The following NTRK3 variants were observed in gnomAD, a reference collection of about 807,000 sequenced individuals.
NTRK3 encodes NT-3 growth factor receptor.
Under a neutral mutation model 91.7 loss-of-function variants are expected in NTRK3, and 24 were observed. That is an observed-to-expected ratio of 0.26 (90% CI 0.19 to 0.37). The LOEUF is 0.37. NTRK3 is among the 10% of genes least tolerant of loss of function. The pLI, the probability that NTRK3 is intolerant of heterozygous loss-of-function variation, is 1.00. For synonymous variants in NTRK3, 483 were observed against 404.0 expected (o/e 1.20, Z -2.34); for missense variants, 880 against 1,068.9 (o/e 0.82, Z 2.46).
At chr15:88,162,904 A>G (rs2151444980) in intron 5 of NTRK3, among the ~76,000 whole-genome samples, 1 of 152,216 alleles carries the variant, frequency 6.6e-6, no homozygotes, top group Non-Finnish European at 1.5e-5. Context: ...TCTGTACATG[A>G]GCAGTTGCTG....
At chr15:87,931,124 A>C (rs1596299663) in intron 16 of NTRK3, 1 of 450,654 alleles carries the variant, frequency 2.2e-6, no homozygotes, top group East Asian at 6.1e-5. Context: ...CTCACTCTTT[A>C]TTTCCCTCCT....
chr15:88,019,896 A>G (rs1449064259), intron 14 of NTRK3, among the ~76,000 whole-genome samples: 3 of 152,204 alleles, frequency 2.0e-5, no homozygotes, highest in Admixed American at 1.3e-4. Context: ...AAGGATCTCA[A>G]CTGATACAAT....
intron 14 of NTRK3, among the ~76,000 whole-genome samples, chr15:88,025,553 G>C (rs2077962435): frequency 6.6e-6 from 1 of 152,190 alleles, no homozygotes; most frequent in Non-Finnish European, 1.5e-5. Context: ...TGAAGACAGA[G>C]GGTTGGAGTG....
intron 3 of NTRK3, among the ~76,000 whole-genome samples, chr15:88,242,289 G>T (rs1359012957): frequency 6.6e-6 from 1 of 152,136 alleles, no homozygotes; most frequent in Non-Finnish European, 1.5e-5. Context: ...GCAACAGCAA[G>T]GCCAATGAAT....
intron 13 of NTRK3, among the ~76,000 whole-genome samples, chr15:88,045,502 G>A (rs1047331931): frequency 1.4e-4 from 21 of 152,228 alleles, no homozygotes; most frequent in South Asian, 1.2e-3. Context: ...CAAAATATAC[G>A]TTGCCCCAAG....
At chr15:88,010,538 T>C (rs2076804908) in intron 14 of NTRK3, among the ~76,000 whole-genome samples, 1 of 152,208 alleles carries the variant, frequency 6.6e-6, no homozygotes, top group South Asian at 2.1e-4. Flanking sequence ...AATGAAACTA[T>C]GCTTTTTTTT....
At chr15:87,949,060 C>A (rs1357562344) in intron 14 of NTRK3, among the ~76,000 whole-genome samples, 5 of 152,118 alleles carry the variant, frequency 3.3e-5, no homozygotes, top group African/African-American at 4.8e-5. Flanking sequence ...AGTAGGTACC[C>A]ACTAACTATA....
intron 14 of NTRK3, among the ~76,000 whole-genome samples, chr15:87,942,581 C>T (rs182825917): frequency 2.6e-5 from 4 of 152,238 alleles, no homozygotes; most frequent in East Asian, 1.9e-4. Flanking sequence ...ACAGGGCTCA[C>T]GATGGCAGCT....
chr15:88,160,217 G>A (rs557294941), intron 5 of NTRK3, among the ~76,000 whole-genome samples: 4 of 152,208 alleles, frequency 2.6e-5, no homozygotes, highest in African/African-American at 9.7e-5. Flanking sequence ...GGTCAAGGGG[G>A]TGCTGCTGAG....
intron 13 of NTRK3, among the ~76,000 whole-genome samples, chr15:88,094,203 A>C (rs1286826442): frequency 6.6e-6 from 1 of 151,736 alleles, no homozygotes; most frequent in African/African-American, 2.4e-5. Context: ...GCGGTGGCTC[A>C]CGCCTGTAAT....
intron 13 of NTRK3, chr15:88,072,484 T>C: frequency 4.3e-6 from 1 of 231,598 alleles, no homozygotes; most frequent in Non-Finnish European, 8.5e-6. Flanking sequence ...AAGTCTTTCA[T>C]CAGGCTGAGG....
intron 14 of NTRK3, among the ~76,000 whole-genome samples, chr15:87,942,288 A>T (rs1405642441): frequency 6.6e-6 from 1 of 152,238 alleles, no homozygotes; most frequent in Admixed American, 6.5e-5. Flanking sequence ...CACAGGCTGC[A>T]ATGCGGCTGC....
intron 3 of NTRK3, among the ~76,000 whole-genome samples, chr15:88,191,568 C>G (rs1255409358): frequency 6.6e-6 from 1 of 152,204 alleles, no homozygotes; most frequent in Non-Finnish European, 1.5e-5. Flanking sequence ...GTCTGGAATT[C>G]CATTTCCTAA....
chr15:88,156,734 C>T (rs2043939163), intron 5 of NTRK3, among the ~76,000 whole-genome samples: 1 of 152,222 alleles, frequency 6.6e-6, no homozygotes, highest in South Asian at 2.1e-4. Flanking sequence ...GCGTCTCAGA[C>T]TGCTGGCCTG....
At chr15:88,136,382 A>G (rs1597513891) in intron 8 of NTRK3, 85 bp downstream of exon 8, 1 of 1,576,108 alleles carries the variant, frequency 6.3e-7, no homozygotes, top group East Asian at 2.2e-5. Flanking sequence ...CTATAGTAAC[A>G]AGACCGCAAA....
intron 5 of NTRK3, among the ~76,000 whole-genome samples, chr15:88,182,322 C>T (rs1266855768): frequency 6.6e-6 from 1 of 152,130 alleles, no homozygotes; most frequent in Non-Finnish European, 1.5e-5. Flanking sequence ...AAAAACAACT[C>T]CTCCACCAGG....
At chr15:88,031,570 T>G (rs1159548429) in intron 14 of NTRK3, among the ~76,000 whole-genome samples, 1 of 152,202 alleles carries the variant, frequency 6.6e-6, no homozygotes, top group Non-Finnish European at 1.5e-5. Context: ...AACCCAGATG[T>G]CCTTTTTCTG....
intron 14 of NTRK3, among the ~76,000 whole-genome samples, chr15:87,967,177 T>C (rs2072868007): frequency 6.6e-6 from 1 of 152,170 alleles, no homozygotes; most frequent in Non-Finnish European, 1.5e-5. Context: ...AGGTATTCCT[T>C]GAAAGACCCT....
chr15:88,091,420 C>A (rs2049002586), intron 13 of NTRK3, among the ~76,000 whole-genome samples: 1 of 152,212 alleles, frequency 6.6e-6, no homozygotes, highest in Non-Finnish European at 1.5e-5. Context: ...ACTACTTTTA[C>A]CTTCACTTAT....
Sources: gnomAD v4.1 joint callset for allele counts (sites outside exome capture counted in the v4.1 genomes callset) on GRCh38, gnomAD v4.1.1 for gene constraint, MANE v1.5 for transcripts, NCBI Gene and HGNC (gene_info 2026-07-23, HGNC 2026-07-21) for gene names.